The following MLXIP variants were observed in gnomAD, a reference collection of about 807,000 sequenced individuals.
MLXIP encodes MLX-interacting protein.
A neutral mutation model predicts 87.2 loss-of-function variants in MLXIP; 30 were observed. The observed-to-expected ratio is 0.34, with a 90% CI of 0.26 to 0.47. MLXIP has a LOEUF of 0.47. Ranked by LOEUF, MLXIP falls within the 20% of genes least tolerant of loss-of-function variation. The pLI, the probability that MLXIP is intolerant of heterozygous loss-of-function variation, is 1.00. For missense variants in MLXIP, 1,002 were observed against 1,240.1 expected (o/e 0.81, Z 2.88); for synonymous variants, 530 against 514.0 (o/e 1.03, Z -0.42).
chr12:122,138,058 CT>C, intron 12 of MLXIP, 135 bp from the exon 13 acceptor site: 3 of 695,438 alleles, frequency 4.3e-6, no homozygotes, highest in Middle Eastern at 4.1e-4. Context: ...GAGCCTTCAG[CT>C]TCTCGTCGTG....
intron 1 of MLXIP, among the ~76,000 whole-genome samples, chr12:122,093,739 G>A (rs1952290923): frequency 7.7e-6 from 1 of 129,124 alleles, no homozygotes; most frequent in African/African-American, 2.9e-5. Context: ...GTGCCTGTGT[G>A]GTGTGTGTGG....
At chr12:122,141,331 C>T (rs1159984253) in intron 16 of MLXIP, among the ~76,000 whole-genome samples, 1 of 152,154 alleles carries the variant, frequency 6.6e-6, no homozygotes, top group Non-Finnish European at 1.5e-5. Context: ...TTTGCCAGGC[C>T]CTGTATCAGG....
In MLXIP at chr12:122,137,469, G is replaced by T; in HGVS notation, c.2033G>T (p.Ser678Ile). 1 of 1,613,572 alleles carries T rather than the reference G, an allele frequency of 6.2e-7. No individual in the cohort carries two copies. The part of the protein sequence containing the change: ...GSPQVTVTGP[S>I]RDCPNSGQAS... ...CCTCAGAGGAGTCTGTTCTTACCAG[G>T]TCGGGACTGCCCAAACTCAGGGCAG... The change falls in exon 12 of 17, where the codon AGT (serine) becomes ATT (isoleucine). Residue 678 changes from serine to isoleucine, a missense_variant and splice_region_variant. Around this residue, in one of 3 missense-constraint regions of MLXIP, gnomAD observed 746 missense variants for 897.0 expected, o/e 0.83. Coordinates refer to ENST00000319080, the MANE Select transcript of MLXIP (RefSeq NM_014938.6). This position sits in a 1 kb window ranked among gnomAD's most constrained non-coding sequence, Gnocchi z 4.1.
At chr12:122,116,230 C>A (rs1347778174) in intron 1 of MLXIP, among the ~76,000 whole-genome samples, 1 of 152,044 alleles carries the variant, frequency 6.6e-6, no homozygotes, top group Non-Finnish European at 1.5e-5. Context: ...ACGTGGAGCT[C>A]TTTGTTCCAT....
In MLXIP at chr12:122,141,931, C is replaced by G; in HGVS notation, c.*119C>G. The G allele has an allele frequency of 6.8e-7, 1 of 1,465,752 alleles. No individual in the cohort carries two copies. The highest frequency in any genetic ancestry group is 1.3e-5 in the South Asian group (1 of 76,966). The allele number at this position is 1,465,752 out of a possible 1,614,324, so 90.8% of individuals were successfully genotyped here. A position where few individuals can be genotyped will look rare whatever the true frequency, so the allele number is the denominator to read the frequency against. On this transcript the variant is annotated 3_prime_UTR_variant, in exon 17 of 17. Coordinates refer to ENST00000319080, the MANE Select transcript of MLXIP (RefSeq NM_014938.6). ...GCCTCGGGGCCTCTCTCCAACTCTG[C>G]CGGCCCACCGTGGCATCGGGAGGCC...
rs1952828326 is a variant in MLXIP, at chr12:122,124,088, C to T, written c.414-3168C>T. On this transcript the variant is annotated intron_variant, in intron 1 of 16. Transcript: ENST00000319080. ...GCCATCTGCCCTTCAGGACGCTGAGCACAGAGGCATGACGTGTGCTCCCAC... is the reference window on the plus strand; with the variant it reads ...GCCATCTGCCCTTCAGGACGCTGAGTACAGAGGCATGACGTGTGCTCCCAC... Among the ~76,000 whole-genome samples the T allele has an allele frequency of 3.3e-5, 5 of 152,056 alleles. No individual in the cohort carries two copies. The South Asian group carries it at 1.0e-3, about 31-fold the overall frequency.
In MLXIP at chr12:122,115,489, TGAG is replaced by T. The variant is rs368604268; in HGVS notation, c.414-11760_414-11758del. Among the ~76,000 whole-genome samples, 72 of 147,376 alleles carry T rather than the reference TGAG, an allele frequency of 4.9e-4. 2 individuals carry two copies. In the South Asian group the frequency reaches 0.013, roughly 27 times the overall value. ...CTGTCATCCCAACTACTCAGGAGGC[TGAG>T]GAGGAGAACTGCTTGAACCTGGGAG... On this transcript the variant is annotated intron_variant, in intron 1 of 16. Coordinates refer to ENST00000319080, the MANE Select transcript of MLXIP (RefSeq NM_014938.6).
At position 122,142,656 on chromosome 12, in the gene MLXIP, TC is replaced by T; in HGVS notation, c.*845del. 1 of 261,904 alleles carries T rather than the reference TC, an allele frequency of 3.8e-6. No homozygotes were observed. The highest frequency in any genetic ancestry group is 4.4e-5 in the South Asian group (1 of 22,492). The allele number at this position is 261,904 out of a possible 1,614,324, so 16.2% of individuals were successfully genotyped here. On this transcript the variant is annotated 3_prime_UTR_variant, in exon 17 of 17. Coordinates refer to ENST00000319080, the MANE Select transcript of MLXIP (RefSeq NM_014938.6). The stretch of plus-strand genomic sequence containing the variant: ...GGCTCCAGCTGCAGCTGTTGACAGA[TC>T]AAGCATGTCCTGTGGGAGCTTAGAA...
intron 1 of MLXIP, among the ~76,000 whole-genome samples, chr12:122,119,965 C>CT (rs1432673701): frequency 1.3e-5 from 2 of 152,206 alleles, no homozygotes; most frequent in Non-Finnish European, 2.9e-5. Flanking sequence ...GACGAGAACT[C>CT]TTCCCCACCA....
At chr12:122,127,818 A>G in intron 2 of MLXIP, 65 bp from the exon 3 acceptor site, 2 of 1,334,530 alleles carry the variant, frequency 1.5e-6, no homozygotes, top group Non-Finnish European at 2.2e-6. Context: ...GGGGTGCAGC[A>G]GACAGGCTGG....
chr12:122,140,172 A>T (rs768095589), intron 15 of MLXIP, among the ~76,000 whole-genome samples: 2 of 152,224 alleles, frequency 1.3e-5, no homozygotes, highest in Non-Finnish European at 2.9e-5. Context: ...TGCCGTCCTG[A>T]TCAAAGTCCG....
At chr12:122,093,405 G>T (rs1003372170) in intron 1 of MLXIP, among the ~76,000 whole-genome samples, 1 of 144,698 alleles carries the variant, frequency 6.9e-6, no homozygotes, top group Non-Finnish European at 1.5e-5. Context: ...TATGTGTGTG[G>T]TGTGTGTTGG....
intron 1 of MLXIP, among the ~76,000 whole-genome samples, chr12:122,095,808 A>ATTTT (rs1452783407): frequency 1.8e-4 from 27 of 151,164 alleles, no homozygotes; most frequent in African/African-American, 6.1e-4. Context: ...TATAGACCTT[A>ATTTT]TTTTTTATTT....
At chr12:122,140,841 TG>T in intron 15 of MLXIP, 112 bp from the exon 16 acceptor site, 1 of 1,504,414 alleles carries the variant, frequency 6.6e-7, no homozygotes, top group Non-Finnish European at 9.2e-7. Flanking sequence ...CCATTCTCTG[TG>T]GGCAGATACT....
At chr12:122,087,554 G>C (rs1489894492) in intron 1 of MLXIP, among the ~76,000 whole-genome samples, 1 of 152,190 alleles carries the variant, frequency 6.6e-6, no homozygotes. Context: ...GCTGGAGTGA[G>C]CTTGGCGCAT....
intron 1 of MLXIP, among the ~76,000 whole-genome samples, chr12:122,093,307 G>A (rs1952277539): frequency 1.3e-5 from 2 of 148,816 alleles, no homozygotes; most frequent in African/African-American, 2.5e-5. Context: ...TGTGTGTGTG[G>A]TGTGGGTGCG....
Position 122,141,181 on chromosome 12 carries a change from A to AGTATGAG in MLXIP, c.2638+99_2638+100insTATGAGG. 7 of 1,462,924 alleles carry AGTATGAG rather than the reference A, an allele frequency of 4.8e-6. No homozygotes were observed. The South Asian group carries it at 9.5e-5, about 20-fold the overall frequency. The allele number at this position is 1,462,924 out of a possible 1,614,324, so 90.6% of individuals were successfully genotyped here. A position where few individuals can be genotyped will look rare whatever the true frequency, so the allele number is the denominator to read the frequency against. Reference sequence around the variant, plus strand: ...GTATTAGCCAGACTCCACTGCAGGCAGCCAGGTGGGGCCGGGGCAGGGGCA... The same window carrying AGTATGAG: ...GTATTAGCCAGACTCCACTGCAGGCAGTATGAGGCCAGGTGGGGCCGGGGCAGGGGCA... On this transcript the variant is annotated intron_variant, in intron 16 of 16. Transcript: ENST00000319080.
At chr12:122,084,144 TTG>T (rs746678463) in intron 1 of MLXIP, among the ~76,000 whole-genome samples, 25,605 of 137,768 alleles carry the variant, frequency 0.19, 2,394 homozygotes, top group Admixed American at 0.26. Flanking sequence ...CTCAGCCAGA[TTG>T]TGTGTGTGTG....
At chr12:122,101,600 A>ATTTT (rs1593073330) in intron 1 of MLXIP, among the ~76,000 whole-genome samples, 1 of 49,262 alleles carries the variant, frequency 2.0e-5, no homozygotes, top group Admixed American at 2.2e-4. Flanking sequence ...TTTTTTTTTG[A>ATTTT]GACGGAGTCT....
Sources: allele counts gnomAD v4.1 joint callset (sites outside exome capture counted in the v4.1 genomes callset), GRCh38; gene constraint gnomAD v4.1.1; regional missense constraint gnomAD v4.1.1; non-coding constraint Gnocchi (gnomAD v3.1); transcripts MANE v1.5; gene names NCBI Gene and HGNC (gene_info 2026-07-23, HGNC 2026-07-21).